Variants in BCAR3 observed in about 807,000 individuals in gnomAD.
BCAR3 encodes the protein breast cancer anti-estrogen resistance protein 3.
Under a neutral mutation model 80.1 loss-of-function variants are expected in BCAR3, and 37 were observed. The ratio of observed to expected loss-of-function variants is 0.46; its 90% CI spans 0.36 to 0.61. BCAR3 has a LOEUF of 0.61. Ranked by LOEUF, BCAR3 falls within the 20% of genes least tolerant of loss-of-function variation. The pLI, the probability that BCAR3 is intolerant of heterozygous loss-of-function variation, is 0.00. For missense variants in BCAR3, 978 were observed against 1,068.2 expected (o/e 0.92, Z 1.18); for synonymous variants, 389 against 418.9 (o/e 0.93, Z 0.87).
chr1:93,728,994 C>T (rs1047661570), intron 2 of BCAR3, among the ~76,000 whole-genome samples: 3 of 152,118 alleles, frequency 2.0e-5, no homozygotes, highest in African/African-American at 7.2e-5. Context: ...CCCGGCTTCC[C>T]TATCATTTAA....
At chr1:93,811,381 A>G (rs908464058) in intron 2 of BCAR3, among the ~76,000 whole-genome samples, 14 of 152,326 alleles carry the variant, frequency 9.2e-5, no homozygotes, top group African/African-American at 3.4e-4. Context: ...TAGGCTTTGC[A>G]TGGAGCTGTG....
intron 3 of BCAR3, among the ~76,000 whole-genome samples, chr1:93,621,091 G>A (rs1675293684): frequency 1.3e-5 from 2 of 152,244 alleles, no homozygotes; most frequent in Non-Finnish European, 2.9e-5. Context: ...CAGGTGAGAG[G>A]TGGAGTCAGG....
chr1:93,700,906 G>A (rs957203057), intron 3 of BCAR3, among the ~76,000 whole-genome samples: 9 of 152,196 alleles, frequency 5.9e-5, no homozygotes, highest in East Asian at 5.8e-4. Flanking sequence ...GGCGTCTGCC[G>A]TCCCCTCAGG....
rs544804866 is a variant in BCAR3 at position 93,621,638 on chromosome 1, C to T, written c.357+20666G>A. On this transcript the variant is annotated intron_variant, in intron 3 of 11. Coordinates refer to ENST00000260502, the MANE Select transcript of BCAR3 (RefSeq NM_003567.4). ...AAGTAGTATTGCAGTTTCTTATGGC[C>T]GCTGGAGCAGCTTTAACCAGCACGG... is the stretch of plus-strand genomic sequence containing the variant. Among the ~76,000 whole-genome samples, 7 of 152,216 alleles carry T rather than the reference C, an allele frequency of 4.6e-5. No homozygotes were observed. In the East Asian group the frequency reaches 5.8e-4, roughly 13 times the overall value.
chr1:93,799,862 G>T (rs890381167), intron 2 of BCAR3, among the ~76,000 whole-genome samples: 1 of 152,214 alleles, frequency 6.6e-6, no homozygotes, highest in Non-Finnish European at 1.5e-5. Flanking sequence ...TTGACTGTCA[G>T]GACCTACTGG....
In BCAR3 at chr1:93,615,364, G is replaced by A. The variant is rs117766060; in HGVS notation, c.358-22971C>T. ...TGGAGAGCCACAGTCTCACACCCAC[G>A]CAAGGGCAAGGGCCCGGCCTCATCA... is the stretch of plus-strand genomic sequence containing the variant. On this transcript the variant is annotated intron_variant, in intron 3 of 11. Coordinates refer to ENST00000260502, the MANE Select transcript of BCAR3 (RefSeq NM_003567.4). Among the ~76,000 whole-genome samples the A allele has an allele frequency of 7.2e-5, 11 of 152,284 alleles. No homozygotes were observed. The East Asian group carries it at 1.2e-3, about 16-fold the overall frequency.
intron 2 of BCAR3, among the ~76,000 whole-genome samples, chr1:93,777,595 A>T (rs1420296963): frequency 3.3e-5 from 5 of 150,376 alleles, no homozygotes; most frequent in South Asian, 2.1e-4. Context: ...CTAATTTAAA[A>T]TTTTTTTTTG....
At chr1:93,830,063 A>C (rs780085105) in intron 2 of BCAR3, among the ~76,000 whole-genome samples, 39 of 152,106 alleles carry the variant, frequency 2.6e-4, no homozygotes, top group Non-Finnish European at 5.3e-4. Context: ...CTTCCACCAT[A>C]TTTGTAAGTT....
intron 2 of BCAR3, among the ~76,000 whole-genome samples, chr1:93,766,958 G>A (rs975439945): frequency 6.6e-6 from 1 of 152,158 alleles, no homozygotes; most frequent in South Asian, 2.1e-4. Context: ...GTTTAGGACA[G>A]AATTTATATA....
At chr1:93,830,636 C>T (rs569138333) in intron 2 of BCAR3, among the ~76,000 whole-genome samples, 1 of 152,292 alleles carries the variant, frequency 6.6e-6, no homozygotes, top group East Asian at 1.9e-4. Flanking sequence ...ACCCCTATCT[C>T]CCTTCGCTGA....
At chr1:93,836,194 C>T (rs141930991) in intron 2 of BCAR3, among the ~76,000 whole-genome samples, 21 of 152,282 alleles carry the variant, frequency 1.4e-4, no homozygotes, top group East Asian at 7.7e-4. Flanking sequence ...AGCTCCTGTA[C>T]GGACACTCCC....
chr1:93,828,530 G>GT (rs1363822939), intron 2 of BCAR3, among the ~76,000 whole-genome samples: 3 of 152,158 alleles, frequency 2.0e-5, no homozygotes, highest in African/African-American at 7.2e-5. Context: ...ATGCTACACA[G>GT]TAAGACCAAG....
intron 2 of BCAR3, among the ~76,000 whole-genome samples, chr1:93,726,862 G>A (rs972124501): frequency 2.6e-5 from 4 of 152,066 alleles, no homozygotes; most frequent in Non-Finnish European, 5.9e-5. Flanking sequence ...TATTGATTTT[G>A]TATTTATCAA....
chr1:93,770,608 T>C (rs1220228834), intron 2 of BCAR3, among the ~76,000 whole-genome samples: 2 of 152,120 alleles, frequency 1.3e-5, no homozygotes, highest in Non-Finnish European at 2.9e-5. Context: ...AGCATCCCCA[T>C]GAACATACAG....
intron 2 of BCAR3, among the ~76,000 whole-genome samples, chr1:93,778,533 T>C (rs996633620): frequency 3.9e-5 from 6 of 152,012 alleles, no homozygotes; most frequent in South Asian, 2.1e-4. Flanking sequence ...CTTTTTTTTT[T>C]CCTTTTGCCA....
chr1:93,703,720 A>G (rs1649732883), intron 3 of BCAR3, among the ~76,000 whole-genome samples: 1 of 152,204 alleles, frequency 6.6e-6, no homozygotes. Flanking sequence ...ATTGAGCCCC[A>G]CAAAGACCCA....
At chr1:93,801,774 T>C (rs900729231) in intron 2 of BCAR3, among the ~76,000 whole-genome samples, 3 of 152,110 alleles carry the variant, frequency 2.0e-5, no homozygotes, top group Admixed American at 6.6e-5. Flanking sequence ...AGTAGTAACA[T>C]AGTAAGGCAT....
intron 2 of BCAR3, among the ~76,000 whole-genome samples, chr1:93,719,347 T>TTG (rs1279444768): frequency 7.4e-6 from 1 of 136,016 alleles, no homozygotes; most frequent in Non-Finnish European, 1.6e-5. Context: ...TTTTTTTTTT[T>TTG]TTTTTTTTTT....
intron 2 of BCAR3, among the ~76,000 whole-genome samples, chr1:93,816,095 GAAAA>G (rs1654006553): frequency 6.6e-6 from 1 of 152,142 alleles, no homozygotes; most frequent in Non-Finnish European, 1.5e-5. Context: ...AACTATACTA[GAAAA>G]TTCCAAGAGA....
Sources: allele counts gnomAD v4.1 joint callset (sites outside exome capture counted in the v4.1 genomes callset), GRCh38; gene constraint gnomAD v4.1.1; transcripts MANE v1.5; gene names NCBI Gene and HGNC (gene_info 2026-07-23, HGNC 2026-07-21).